C2CD2: variants seen among roughly 807,000 people sequenced by gnomAD.
The protein encoded by C2CD2 is C2 domain-containing protein 2.
C2CD2 carries 43 observed loss-of-function variants against 74.3 expected under a neutral mutation model. The ratio of observed to expected loss-of-function variants is 0.58; its 90% CI spans 0.45 to 0.75. The LOEUF (loss-of-function observed/expected upper bound fraction) is 0.75, where lower values mean the gene tolerates loss of function less well. Among genes scored for constraint, C2CD2 ranks in the 30% least tolerant of loss-of-function variants. The probability of loss-of-function intolerance (pLI) is 0.00; values close to 1 mark genes in which losing one functional copy is unlikely to be tolerated. For synonymous variants in C2CD2, 422 were observed against 390.7 expected (o/e 1.08, Z -0.94); for missense variants, 801 against 916.3 (o/e 0.87, Z 1.63).
Position 41,949,329 on chromosome 21 carries a change from T to G in C2CD2, c.279+4041A>C, listed in dbSNP as rs149855388. ...AAAGGAAAAGCTCAACTGCTGCTTT[T>G]GGATACCATAATATTAGTTCTCAGT... On this transcript the variant is annotated intron_variant, in intron 1 of 13. Transcript: ENST00000380486. Among the ~76,000 whole-genome samples the G allele has an allele frequency of 5.9e-3, 892 of 152,308 alleles. 9 individuals are homozygous for G. The highest frequency in any genetic ancestry group is 0.02 in the African/African-American group (845 of 41,562).
chr21:41,938,689 T>C (rs1329398051), intron 2 of C2CD2, among the ~76,000 whole-genome samples: 5 of 152,096 alleles, frequency 3.3e-5, no homozygotes, highest in Non-Finnish European at 7.3e-5. Context: ...CTGAACATAA[T>C]GTCCTCAAGG....
In C2CD2 at chr21:41,942,162, C is replaced by T. The variant is rs1318876522; in HGVS notation, c.363G>A (p.Arg121=). The T allele has an allele frequency of 7.7e-6, 12 of 1,549,342 alleles. No homozygotes were observed. The change falls in exon 2 of 14, where the codon AGG becomes AGA. Residue 121 remains arginine (R), a synonymous_variant. Transcript: ENST00000380486. Reference sequence around the variant, plus strand: ...CTGGGCTCACCTTCTCCTCCGCCGACCTGAGCACGCTGGAGACCTCCTGCA... The same window carrying T: ...CTGGGCTCACCTTCTCCTCCGCCGATCTGAGCACGCTGGAGACCTCCTGCA... The part of the protein sequence containing the change: ...LVVQEVSSVL[R]SAEEKVVVCH...
rs1437561497 is a variant in C2CD2 at position 41,939,030 on chromosome 21, C to T, written c.378+3117G>A. 4.6e-5 allele frequency among the ~76,000 whole-genome samples: 7 copies of T among 152,250 alleles called. No individual in the cohort carries two copies. The highest frequency in any genetic ancestry group is 1.7e-4 in the African/African-American group (7 of 41,556). On this transcript the variant is annotated intron_variant, in intron 2 of 13. Transcript: ENST00000380486. This position sits in a 1 kb window ranked among gnomAD's most constrained non-coding sequence, Gnocchi z 5.5. ...GTGCTGGGATTATAAGCGCGAGCCA[C>T]GGCACCCGGCCTAGAATGTCCTCAC...
In C2CD2 at chr21:41,885,227, G is replaced by A. The variant is rs1177028678; in HGVS notation, c.*3897C>T. On this transcript the variant is annotated 3_prime_UTR_variant, in exon 14 of 14. Transcript: ENST00000380486. ...GGCTTGCTGCAGGGCTGTCTTCGGC[G>A]TTTAAAGTGCTACTGAGGAATACAA... is the stretch of plus-strand genomic sequence containing the variant. 3 of 152,220 alleles carry A rather than the reference G, an allele frequency of 2.0e-5. No individual in the cohort carries two copies. The highest frequency in any genetic ancestry group is 2.9e-5 in the Non-Finnish European group (2 of 68,052). 9.4% of individuals were successfully genotyped at this position (152,220 alleles called of 1,614,324 possible).
At chr21:41,928,167 C>T (rs868295906) in intron 2 of C2CD2, among the ~76,000 whole-genome samples, 2 of 152,266 alleles carry the variant, frequency 1.3e-5, no homozygotes, top group African/African-American at 2.4e-5. Flanking sequence ...GCAGCTAGTG[C>T]TTCCTGACAG....
chr21:41,928,544 C>CAAAAAAAAAAAAAAAAAAAAAAAAAAA (rs59346777), intron 2 of C2CD2, among the ~76,000 whole-genome samples: 6 of 72,266 alleles, frequency 8.3e-5, no homozygotes, highest in Non-Finnish European at 1.3e-4. Flanking sequence ...TAAAGCAAAG[C>CAAAAAAAAAAAAAAAAAAAAAAAAAAA]AAAAAAAAAA....
In C2CD2 at chr21:41,929,102, TAAA is replaced by T. The variant is rs398061772; in HGVS notation, c.379-7020_379-7018del. 7.2e-6 allele frequency among the ~76,000 whole-genome samples: 1 copy of T among 138,622 alleles called. No homozygotes were observed. Among genetic ancestry groups the T allele is most frequent in the African/African-American group, 2.6e-5 (1 of 38,006 alleles). The allele number at this position is 138,622 out of a possible 152,430, so 90.9% of individuals were successfully genotyped here. On this transcript the variant is annotated intron_variant, in intron 2 of 13. Coordinates refer to ENST00000380486, the MANE Select transcript of C2CD2 (RefSeq NM_015500.2). This position sits in a 1 kb window ranked among gnomAD's most constrained non-coding sequence, Gnocchi z 4.6. ...CCACCTCTAAAAAATATTTAAAAAGTAAAAAAAAAAAAAAGTAATAAAAATGCA... is the reference window on the plus strand; with the variant it reads ...CCACCTCTAAAAAATATTTAAAAAGTAAAAAAAAAAAGTAATAAAAATGCA...
chr21:41,943,667 C>A (rs1442006880), intron 1 of C2CD2, among the ~76,000 whole-genome samples: 1 of 152,144 alleles, frequency 6.6e-6, no homozygotes, highest in Non-Finnish European at 1.5e-5. Flanking sequence ...CTTGCCGTGG[C>A]GATTCCAGCA....
Position 41,886,669 on chromosome 21 carries a change from T to C in C2CD2, c.*2455A>G, listed in dbSNP as rs1343151117. On this transcript the variant is annotated 3_prime_UTR_variant, in exon 14 of 14. Transcript: ENST00000380486. ...TGGAATAGTTAAAACCTTTTTTTTTTTTTGAGAGCAAGAAGGCTTAATATA... is the reference window on the plus strand; with the variant it reads ...TGGAATAGTTAAAACCTTTTTTTTTCTTTGAGAGCAAGAAGGCTTAATATA... The C allele has an allele frequency of 6.6e-6, 1 of 152,170 alleles. No homozygotes were observed. Among genetic ancestry groups the C allele is most frequent in the Non-Finnish European group, 1.5e-5 (1 of 68,032 alleles). The allele number at this position is 152,170 out of a possible 1,614,324, so 9.4% of individuals were successfully genotyped here.
At chr21:41,906,966 C>T (rs1296437837) in intron 10 of C2CD2, 26 bp downstream of exon 10, 5 of 1,597,942 alleles carry the variant, frequency 3.1e-6, no homozygotes, top group Non-Finnish European at 3.4e-6. Flanking sequence ...GCAGAAAGTT[C>T]CTCGACTGCG....
At chr21:41,905,934 T>C (rs1468126713) in intron 10 of C2CD2, 97 bp from the exon 11 acceptor site, 1 of 748,690 alleles carries the variant, frequency 1.3e-6, no homozygotes, top group East Asian at 2.6e-5. Context: ...GCAACTCTGG[T>C]GTGTGCAGTT....
chr21:41,905,240 T>G (rs893431638), intron 11 of C2CD2, among the ~76,000 whole-genome samples: 2 of 152,010 alleles, frequency 1.3e-5, no homozygotes, highest in African/African-American at 4.8e-5. Context: ...TGGTCTCTGA[T>G]CAATTTGGAG....
At chr21:41,897,446 GACCAGGTCACCTT>G (rs2064837179) in intron 13 of C2CD2, among the ~76,000 whole-genome samples, 1 of 152,148 alleles carries the variant, frequency 6.6e-6, no homozygotes, top group East Asian at 1.9e-4. Flanking sequence ...TGTGTCAGGT[GACCAGGTCACCTT>G]TGACATAACC....
chr21:41,913,395 C>T (rs9984984), intron 6 of C2CD2, among the ~76,000 whole-genome samples: 10,309 of 152,278 alleles, frequency 0.068, 445 homozygotes, highest in Non-Finnish European at 0.098. Context: ...TCCACGCATT[C>T]GCTACTGAGC....
intron 3 of C2CD2, among the ~76,000 whole-genome samples, chr21:41,919,716 C>T (rs2065134958): frequency 6.6e-6 from 1 of 152,180 alleles, no homozygotes; most frequent in African/African-American, 2.4e-5. Flanking sequence ...ACAGCAGCCT[C>T]TAACTGGACT....
chr21:41,911,155 T>C (rs745764505), intron 7 of C2CD2, among the ~76,000 whole-genome samples: 1 of 152,244 alleles, frequency 6.6e-6, no homozygotes, highest in Non-Finnish European at 1.5e-5. Flanking sequence ...TGTCACTGAA[T>C]GTCTTTTGGA....
chr21:41,901,225 C>A, intron 12 of C2CD2: 1 of 304,928 alleles, frequency 3.3e-6, no homozygotes, highest in South Asian at 3.3e-5. Flanking sequence ...AATAAACATT[C>A]ACTGCAAAAA....
chr21:41,914,548 C>G, intron 6 of C2CD2, 50 bp downstream of exon 6: 1 of 1,581,222 alleles, frequency 6.3e-7, no homozygotes, highest in Non-Finnish European at 8.6e-7. Context: ...CGACTCTGCT[C>G]AGGGGCTGGA....
rs2065174223 is a variant in C2CD2, at chr21:41,923,178, G to C, written c.379-1093C>G. On this transcript the variant is annotated intron_variant, in intron 2 of 13. Transcript: ENST00000380486. The surrounding 1 kb of genome is among the most constrained non-coding windows in gnomAD (Gnocchi z 5.8). The stretch of plus-strand genomic sequence containing the variant: ...TCCCGGCTAATTTTTTGTGTTTTTA[G>C]TAGAGACGGGGTTTCACCATTAGCC... 6.6e-6 allele frequency among the ~76,000 whole-genome samples: 1 copy of C among 152,034 alleles called. No individual in the cohort carries two copies. Among genetic ancestry groups the C allele is most frequent in the Non-Finnish European group, 1.5e-5 (1 of 68,010 alleles).
Sources: gnomAD v4.1 joint callset for allele counts (sites outside exome capture counted in the v4.1 genomes callset) on GRCh38, gnomAD v4.1.1 for gene constraint, Gnocchi (gnomAD v3.1) non-coding constraint, MANE v1.5 for transcripts, NCBI Gene and HGNC (gene_info 2026-07-23, HGNC 2026-07-21) for gene names.